Variants in GPC4 observed in about 807,000 individuals in gnomAD.
The protein encoded by GPC4 is glypican-4.
GPC4 carries 10 observed loss-of-function variants against 35.0 expected under a neutral mutation model. That is an observed-to-expected ratio of 0.29 (90% confidence interval 0.18 to 0.48). The LOEUF is 0.48. GPC4 is among the 20% of genes least tolerant of loss of function. The probability of loss-of-function intolerance (pLI) is 0.99; values close to 1 mark genes in which losing one functional copy is unlikely to be tolerated. For synonymous variants in GPC4, 167 were observed against 170.2 expected (o/e 0.98, Z 0.15); for missense variants, 322 against 451.3 (o/e 0.71, Z 2.60).
intron 1 of GPC4, among the ~76,000 whole-genome samples, chrX:133,347,253 T>TG (rs2068496437): frequency 4.2e-5 from 3 of 70,888 alleles, no homozygotes; most frequent in East Asian, 4.2e-4. Flanking sequence ...TAGAAGTTTT[T>TG]TTTTTTTTTT....
chrX:133,378,286 G>A (rs886441328), intron 1 of GPC4, among the ~76,000 whole-genome samples: 1 of 111,251 alleles, frequency 9.0e-6, no homozygotes, highest in Non-Finnish European at 1.9e-5. Flanking sequence ...AAATCCCGGG[G>A]GCCGGGCACG....
At chrX:133,325,300 C>CAG (rs72381343) in intron 2 of GPC4, among the ~76,000 whole-genome samples, 46 of 107,321 alleles carry the variant, frequency 4.3e-4, no homozygotes, top group African/African-American at 1.3e-3. Flanking sequence ...GAGAGAGAGA[C>CAG]AGAGAGAGAG....
rs760025749 is a variant in GPC4, at chrX:133,414,882, T to C, written c.84A>G (p.Lys28=). 8.3e-7 allele frequency: 1 copy of C among 1,211,789 alleles called. No individual in the cohort carries two copies. The highest frequency in any genetic ancestry group is 1.8e-5 in the South Asian group (1 of 57,019). The part of the protein sequence containing the change: ...AALLAAELKS[K]SCSEVRRLYV... ...AAAGACGTCGCACTTCCGAGCAACT[T>C]TTCGACTTGAGCTCGGCAGCCAGCA... The change falls in exon 1 of 9, where the codon AAA becomes AAG. Residue 28 remains lysine, a synonymous_variant. Transcript: ENST00000370828.
At chrX:133,406,812 C>T (rs1189902212) in intron 1 of GPC4, among the ~76,000 whole-genome samples, 1 of 106,602 alleles carries the variant, frequency 9.4e-6, no homozygotes, top group African/African-American at 3.4e-5. Context: ...CAGTGGCTCA[C>T]GCCTGTAATA....
At chrX:133,393,011 G>A (rs930080407) in intron 1 of GPC4, among the ~76,000 whole-genome samples, 1 of 112,162 alleles carries the variant, frequency 8.9e-6, no homozygotes, top group African/African-American at 3.2e-5. Context: ...TTTGACCAGA[G>A]ACAGACACTA....
chrX:133,348,189 T>C (rs754630466), intron 1 of GPC4, among the ~76,000 whole-genome samples: 10 of 112,139 alleles, frequency 8.9e-5, no homozygotes, highest in Non-Finnish European at 1.9e-4. Context: ...GATAAGCAAA[T>C]TGTCAACCAA....
At chrX:133,366,671 G>A (rs962155529) in intron 1 of GPC4, among the ~76,000 whole-genome samples, 3 of 111,341 alleles carry the variant, frequency 2.7e-5, no homozygotes, top group African/African-American at 6.5e-5. Context: ...ACTGAGGCAG[G>A]AGAATAGGGT....
At chrX:133,404,105 G>A (rs2068776669) in intron 1 of GPC4, among the ~76,000 whole-genome samples, 1 of 111,583 alleles carries the variant, frequency 9.0e-6, no homozygotes, top group Admixed American at 9.5e-5. Flanking sequence ...ATGTTTACAA[G>A]GGAAACCAGT....
intron 1 of GPC4, among the ~76,000 whole-genome samples, chrX:133,387,156 A>AT (rs1676044238): frequency 8.9e-6 from 1 of 112,379 alleles, no homozygotes; most frequent in Non-Finnish European, 1.9e-5. Context: ...TGGCTATAGC[A>AT]TATCAGCCTC....
At chrX:133,337,967 A>T (rs933804015) in intron 2 of GPC4, among the ~76,000 whole-genome samples, 1 of 109,911 alleles carries the variant, frequency 9.1e-6, no homozygotes, top group Non-Finnish European at 1.9e-5. Flanking sequence ...TTTTGCACAT[A>T]GCGTGTTTGA....
intron 1 of GPC4, among the ~76,000 whole-genome samples, chrX:133,372,899 T>C (rs1254797071): frequency 2.7e-5 from 3 of 112,042 alleles, no homozygotes; most frequent in Non-Finnish European, 5.6e-5. Context: ...TGCCTTGAAA[T>C]GCTCTGAATT....
At position 133,380,291 on chromosome X, in the gene GPC4, C is replaced by T. The variant is rs1266143940; in HGVS notation, c.160+34515G>A. ...GGCGGAGGTTGCAGTGAGCCGAGAT[C>T]GCATCACTGCACTCCAGCCTGGGCG... On this transcript the variant is annotated intron_variant, in intron 1 of 8. Transcript: ENST00000370828. Among the ~76,000 whole-genome samples the T allele has an allele frequency of 6.4e-5, 7 of 110,130 alleles. 1 individual carries two copies. Among genetic ancestry groups the T allele is most frequent in the Non-Finnish European group, 3.8e-5 (2 of 52,776 alleles).
At chrX:133,356,918 C>T (rs1224383684) in intron 1 of GPC4, among the ~76,000 whole-genome samples, 1 of 111,188 alleles carries the variant, frequency 9.0e-6, no homozygotes, top group Non-Finnish European at 1.9e-5. Context: ...TATCTAACTA[C>T]ATACTGTATA....
intron 1 of GPC4, among the ~76,000 whole-genome samples, chrX:133,360,543 A>AG (rs2068562758): frequency 2.7e-5 from 3 of 111,066 alleles, no homozygotes; most frequent in African/African-American, 9.8e-5. Context: ...CGAAAAAAAA[A>AG]AAGAAGAAGA....
intron 3 of GPC4, among the ~76,000 whole-genome samples, chrX:133,317,654 A>AT (rs1221576634): frequency 8.1e-5 from 9 of 111,521 alleles, no homozygotes; most frequent in East Asian, 2.8e-4. Context: ...TCATTGCACT[A>AT]TTTTTTTGTT....
intron 1 of GPC4, among the ~76,000 whole-genome samples, chrX:133,386,410 G>A (rs939068534): frequency 8.9e-6 from 1 of 111,867 alleles, no homozygotes; most frequent in Admixed American, 9.5e-5. Context: ...AAGCCTAAGG[G>A]ATCTTAATTT....
chrX:133,353,179 G>A (rs1204389659), intron 1 of GPC4, among the ~76,000 whole-genome samples: 2 of 111,523 alleles, frequency 1.8e-5, no homozygotes, highest in Non-Finnish European at 3.8e-5. Flanking sequence ...CAGAAAGTGC[G>A]CTGCAAGTGT....
chrX:133,364,266 T>C (rs769540461), intron 1 of GPC4, among the ~76,000 whole-genome samples: 1 of 111,969 alleles, frequency 8.9e-6, no homozygotes, highest in Non-Finnish European at 1.9e-5. Flanking sequence ...CACCCCAGTA[T>C]AGGGTTTCAA....
rs971770171 is a variant in GPC4, at chrX:133,378,445, C to A, written c.160+36361G>T. ...AACTAGCTGGGCGTGGTGGCGGGTG[C>A]CTGTAGTCCCAGCTACTCTACTCGG... is the stretch of plus-strand genomic sequence containing the variant. On this transcript the variant is annotated intron_variant, in intron 1 of 8. Transcript: ENST00000370828. 3.1e-4 allele frequency among the ~76,000 whole-genome samples: 34 copies of A among 108,086 alleles called. 1 individual carries two copies. The Admixed American group carries it at 3.3e-3, about 10-fold the overall frequency. 93.9% of individuals were successfully genotyped at this position (108,086 alleles called of 115,157 possible).
Sources: allele counts gnomAD v4.1 joint callset (sites outside exome capture counted in the v4.1 genomes callset), GRCh38; gene constraint gnomAD v4.1.1; transcripts MANE v1.5; gene names NCBI Gene and HGNC (gene_info 2026-07-23, HGNC 2026-07-21).